The following ARHGAP28 variants were observed in gnomAD, a reference collection of about 807,000 sequenced individuals.
ARHGAP28 encodes the protein rho GTPase-activating protein 28.
In ARHGAP28, 56 loss-of-function variants were observed where a neutral mutation model predicts 90.7. The ratio of observed to expected loss-of-function variants is 0.62; its 90% CI spans 0.50 to 0.77. ARHGAP28 has a LOEUF of 0.77. ARHGAP28 is among the 30% of genes least tolerant of loss of function. The pLI is 0.00. For synonymous variants in ARHGAP28, 308 were observed against 323.3 expected (o/e 0.95, Z 0.51); for missense variants, 869 against 900.9 (o/e 0.96, Z 0.45).
intron 2 of ARHGAP28, among the ~76,000 whole-genome samples, chr18:6,826,296 T>C (rs2056662573): frequency 6.6e-6 from 1 of 152,130 alleles, no homozygotes; most frequent in African/African-American, 2.4e-5. Flanking sequence ...CATATGTTCA[T>C]ATCCTTTGCC....
At chr18:6,761,733 C>T (rs2056161602) in intron 1 of ARHGAP28, among the ~76,000 whole-genome samples, 1 of 152,220 alleles carries the variant, frequency 6.6e-6, no homozygotes, top group Non-Finnish European at 1.5e-5. Flanking sequence ...CAGCCTCCTT[C>T]CTGAATAGTG....
In ARHGAP28 at chr18:6,873,699, G is replaced by A; in HGVS notation, c.1136G>A (p.Gly379Glu). ...KVKGRDNGIFGVPLTVLLDGD... is the reference protein window; with the variant it reads ...KVKGRDNGIFEVPLTVLLDGD... ...CACAATGAAGACAATGGGATTTTTG[G>A]AGTTCCACTTACAGTCCTCCTGGAC... Residue 379 changes from glycine to glutamate, a missense_variant, in exon 9 of 18, where the codon GGA becomes GAA. Coordinates refer to ENST00000383472, the MANE Select transcript of ARHGAP28 (RefSeq NM_001366230.1). 6.2e-7 allele frequency: 1 copy of A among 1,613,450 alleles called. No homozygotes were observed. Among genetic ancestry groups the A allele is most frequent in the Non-Finnish European group, 8.5e-7 (1 of 1,179,878 alleles).
At chr18:6,761,769 G>A (rs764691907) in intron 1 of ARHGAP28, among the ~76,000 whole-genome samples, 4 of 152,128 alleles carry the variant, frequency 2.6e-5, no homozygotes, top group East Asian at 1.9e-4. Flanking sequence ...TCTGCAATTC[G>A]GAAGACTCAA....
chr18:6,847,754 G>A (rs1802955920), intron 3 of ARHGAP28, among the ~76,000 whole-genome samples: 1 of 152,016 alleles, frequency 6.6e-6, no homozygotes, highest in African/African-American at 2.4e-5. Flanking sequence ...ATGGGTGAGG[G>A]ATTCCCGAGA....
chr18:6,833,507 G>T (rs1436322220), intron 2 of ARHGAP28, among the ~76,000 whole-genome samples: 4 of 151,454 alleles, frequency 2.6e-5, no homozygotes, highest in Non-Finnish European at 5.9e-5. Context: ...TGAATTTTAT[G>T]ACCTTGACAC....
At chr18:6,822,693 T>C (rs561804288) in intron 1 of ARHGAP28, among the ~76,000 whole-genome samples, 3 of 152,292 alleles carry the variant, frequency 2.0e-5, no homozygotes, top group African/African-American at 7.2e-5. Flanking sequence ...GTTTAAAAAA[T>C]AAATTGGCTA....
intron 3 of ARHGAP28, among the ~76,000 whole-genome samples, chr18:6,839,944 C>T (rs2056792015): frequency 6.6e-6 from 1 of 152,166 alleles, no homozygotes; most frequent in South Asian, 2.1e-4. Flanking sequence ...GAGCAACTCT[C>T]CTTCTTTCCA....
intron 1 of ARHGAP28, among the ~76,000 whole-genome samples, chr18:6,810,134 A>G (rs1303249399): frequency 6.6e-6 from 1 of 152,208 alleles, no homozygotes; most frequent in East Asian, 1.9e-4. Flanking sequence ...TTATCTCTGT[A>G]TGAATTCCAA....
intron 12 of ARHGAP28, 33 bp downstream of exon 12, chr18:6,887,272 G>T: frequency 6.3e-7 from 1 of 1,595,076 alleles, no homozygotes. Flanking sequence ...CTTGTCCTGG[G>T]GCTCTTATTG....
At chr18:6,805,750 G>T (rs184424463) in intron 1 of ARHGAP28, among the ~76,000 whole-genome samples, 3 of 151,958 alleles carry the variant, frequency 2.0e-5, no homozygotes, top group Admixed American at 6.5e-5. Flanking sequence ...CCTCCTAAGT[G>T]CTGGGATTAC....
chr18:6,909,036 GT>G lies in ARHGAP28; in HGVS notation c.2095+13del, dbSNP rs1170732586. 7.2e-7 allele frequency: 1 copy of G among 1,387,604 alleles called. No individual in the cohort carries two copies. The highest frequency in any genetic ancestry group is 2.3e-5 in the East Asian group (1 of 43,530). The allele number at this position is 1,387,604 out of a possible 1,614,324, so 86.0% of individuals were successfully genotyped here. A position where few individuals can be genotyped will look rare whatever the true frequency, so the allele number is the denominator to read the frequency against. ...TGGAGGAAATATAGGTAAGCATACT[GT>G]AATAATTTCTACTGCTAAATTCTCT... is the stretch of plus-strand genomic sequence containing the variant. On this transcript the variant is annotated intron_variant, in intron 17 of 17. Transcript: ENST00000383472.
At chr18:6,888,822 C>T (rs2057242280) in intron 12 of ARHGAP28, among the ~76,000 whole-genome samples, 3 of 152,074 alleles carry the variant, frequency 2.0e-5, no homozygotes, top group Admixed American at 1.3e-4. Flanking sequence ...CTCTCTCTGT[C>T]TCTCTAATTT....
chr18:6,806,322 A>T (rs2056518936), intron 1 of ARHGAP28, among the ~76,000 whole-genome samples: 1 of 151,822 alleles, frequency 6.6e-6, no homozygotes, highest in Admixed American at 6.6e-5. Flanking sequence ...TATAATCTTT[A>T]TCAGTTTACC....
chr18:6,884,157 G>A (rs552678453), intron 11 of ARHGAP28, among the ~76,000 whole-genome samples: 2 of 152,226 alleles, frequency 1.3e-5, no homozygotes, highest in African/African-American at 4.8e-5. Context: ...GGCAGATCAC[G>A]AGTTCAGGAG....
At position 6,892,657 on chromosome 18, in the gene ARHGAP28, C is replaced by G. The variant is rs555465015; in HGVS notation, c.1848+2114C>G. 3.9e-5 allele frequency among the ~76,000 whole-genome samples: 6 copies of G among 152,312 alleles called. No homozygotes were observed. The South Asian group carries it at 1.0e-3, about 26-fold the overall frequency. The stretch of plus-strand genomic sequence containing the variant: ...CTCCTCAGGGTTTGTTGCTTCTGCT[C>G]TTGTACCTATTGTTTGTTTGCTTCA... On this transcript the variant is annotated intron_variant, in intron 14 of 17. Coordinates refer to ENST00000383472, the MANE Select transcript of ARHGAP28 (RefSeq NM_001366230.1).
At chr18:6,899,654 T>C (rs2057327994) in intron 16 of ARHGAP28, among the ~76,000 whole-genome samples, 1 of 152,166 alleles carries the variant, frequency 6.6e-6, no homozygotes, top group Non-Finnish European at 1.5e-5. Context: ...ACCAGGGTCA[T>C]GTCTGCAGGG....
At chr18:6,826,028 C>G (rs745776368) in intron 2 of ARHGAP28, among the ~76,000 whole-genome samples, 4 of 152,018 alleles carry the variant, frequency 2.6e-5, no homozygotes, top group Non-Finnish European at 4.4e-5. Context: ...TGAGAAATCT[C>G]CAAGCTGCTT....
chr18:6,895,505 G>A (rs1469157650), intron 15 of ARHGAP28, among the ~76,000 whole-genome samples: 1 of 152,226 alleles, frequency 6.6e-6, no homozygotes, highest in African/African-American at 2.4e-5. Flanking sequence ...CAGCAAGCTT[G>A]GCGCCTTCTG....
chr18:6,892,778 T>G (rs2057276039), intron 14 of ARHGAP28, among the ~76,000 whole-genome samples: 1 of 152,224 alleles, frequency 6.6e-6, no homozygotes, highest in Admixed American at 6.5e-5. Flanking sequence ...TAACTAATGA[T>G]TAGACAGAGA....
Sources: allele counts gnomAD v4.1 joint callset (sites outside exome capture counted in the v4.1 genomes callset), GRCh38; gene constraint gnomAD v4.1.1; transcripts MANE v1.5; gene names NCBI Gene and HGNC (gene_info 2026-07-23, HGNC 2026-07-21).